TMEM163: variants seen among roughly 807,000 people sequenced by gnomAD.
TMEM163 encodes transmembrane protein 163.
Under a neutral mutation model 29.3 loss-of-function variants are expected in TMEM163, and 17 were observed. The ratio of observed to expected loss-of-function variants is 0.58; its 90% CI spans 0.40 to 0.87. TMEM163 has a LOEUF of 0.87. Among genes scored for constraint, TMEM163 ranks in the 40% least tolerant of loss-of-function variants. TMEM163 has a pLI of 0.00. For missense variants in TMEM163, 303 were observed against 381.5 expected, an observed-to-expected ratio of 0.79 and a Z score of 1.71; for synonymous variants, 157 against 160.6, an observed-to-expected ratio of 0.98 and a Z score of 0.17.
intron 2 of TMEM163, among the ~76,000 whole-genome samples, chr2:134,571,044 C>T (rs2104785078): frequency 6.6e-6 from 1 of 152,316 alleles, no homozygotes. Flanking sequence ...AATCAAAATG[C>T]TTGATGCTAA....
rs376367404 is a variant in TMEM163 at position 134,713,214 on chromosome 2, G to A, written c.308C>T (p.Ala103Val). The A allele has an allele frequency of 3.1e-6, 5 of 1,614,044 alleles. No homozygotes were observed. The highest frequency in any genetic ancestry group is 2.2e-5 in the South Asian group (2 of 91,068). ...WFSIIVTLAL[A>V]VAAFTVSVMR... ...TTGATACTCACTAAAGGCAGCCACCGCGAGGGCCAGGGTGACAATGATGGA... is the reference window on the plus strand; with the variant it reads ...TTGATACTCACTAAAGGCAGCCACCACGAGGGCCAGGGTGACAATGATGGA... The change falls in exon 2 of 8, where the codon GCG becomes GTG. Residue 103 changes from alanine (A) to valine (V), a missense_variant. Ala to Val is a moderately conservative substitution (Grantham distance 64). Transcript: ENST00000281924.
At chr2:134,602,712 C>G (rs946802614) in intron 2 of TMEM163, among the ~76,000 whole-genome samples, 9 of 152,148 alleles carry the variant, frequency 5.9e-5, no homozygotes, top group African/African-American at 2.2e-4. Flanking sequence ...CACTAATTAA[C>G]CTTTATCTTA....
At chr2:134,544,918 G>A (rs749074296) in intron 4 of TMEM163, among the ~76,000 whole-genome samples, 3 of 152,104 alleles carry the variant, frequency 2.0e-5, no homozygotes, top group South Asian at 4.2e-4. Flanking sequence ...AGCCATCGCC[G>A]CTGAGCATCT....
intron 2 of TMEM163, among the ~76,000 whole-genome samples, chr2:134,631,402 T>A (rs988033035): frequency 9.2e-5 from 14 of 152,228 alleles, no homozygotes; most frequent in African/African-American, 3.4e-4. Flanking sequence ...CTGGGGGGCC[T>A]TCCTGTGCAA....
chr2:134,634,561 G>GATATGTCATGGC, intron 2 of TMEM163, among the ~76,000 whole-genome samples: 1 of 152,164 alleles, frequency 6.6e-6, no homozygotes. Flanking sequence ...TGACTGATTG[G>GATATGTCATGGC]ATATGTCATG....
chr2:134,704,724 C>T (rs993823296), intron 2 of TMEM163, among the ~76,000 whole-genome samples: 7 of 152,198 alleles, frequency 4.6e-5, no homozygotes, highest in African/African-American at 1.7e-4. Flanking sequence ...ACGCTCTTCC[C>T]CTCCTCAGCC....
intron 5 of TMEM163, among the ~76,000 whole-genome samples, chr2:134,488,666 C>G (rs1679366454): frequency 6.6e-6 from 1 of 152,192 alleles, no homozygotes; most frequent in African/African-American, 2.4e-5. Flanking sequence ...TTAACAGACT[C>G]ATTTTCATAT....
intron 4 of TMEM163, among the ~76,000 whole-genome samples, chr2:134,516,265 T>C (rs1382033749): frequency 6.6e-6 from 1 of 152,044 alleles, no homozygotes; most frequent in Admixed American, 6.6e-5. Flanking sequence ...ATATGGGCCA[T>C]GTGCGGAGGT....
At chr2:134,458,519 G>A (rs890731669) in intron 6 of TMEM163, 1 of 264,476 alleles carries the variant, frequency 3.8e-6, no homozygotes, top group Non-Finnish European at 7.5e-6. Context: ...CAGTCCCCAG[G>A]ACAGTTCCAG....
At chr2:134,682,976 G>A (rs1050633972) in intron 2 of TMEM163, among the ~76,000 whole-genome samples, 3 of 152,136 alleles carry the variant, frequency 2.0e-5, no homozygotes, top group African/African-American at 4.8e-5. Flanking sequence ...AGACACGGAG[G>A]AACCGTAAAC....
intron 2 of TMEM163, among the ~76,000 whole-genome samples, chr2:134,666,705 T>A (rs1368704462): frequency 2.0e-5 from 3 of 152,178 alleles, no homozygotes. Context: ...TTCCACCAAT[T>A]CCTCATTTTA....
rs117343625 is a variant in TMEM163 at position 134,658,988 on chromosome 2, G to A, written c.322+54212C>T. ...ACAACAGGGCTACATTCTGAGAAACGCATCATGAGGTGGTTCTATCATTGT... is the reference window on the plus strand; with the variant it reads ...ACAACAGGGCTACATTCTGAGAAACACATCATGAGGTGGTTCTATCATTGT... On this transcript the variant is annotated intron_variant, in intron 2 of 7. Transcript: ENST00000281924. 7.8e-4 allele frequency among the ~76,000 whole-genome samples: 118 copies of A among 152,246 alleles called. No individual in the cohort carries two copies. The East Asian group carries it at 0.021, about 27-fold the overall frequency.
intron 4 of TMEM163, among the ~76,000 whole-genome samples, chr2:134,531,893 C>T (rs925883097): frequency 1.3e-5 from 2 of 152,214 alleles, no homozygotes; most frequent in Non-Finnish European, 2.9e-5. Flanking sequence ...TCCTGACCCT[C>T]TAAATTCTGC....
At chr2:134,716,410 C>T (rs1392108507) in intron 1 of TMEM163, among the ~76,000 whole-genome samples, 4 of 152,198 alleles carry the variant, frequency 2.6e-5, no homozygotes, top group Admixed American at 6.5e-5. Flanking sequence ...TCCAAAGTCT[C>T]AAAACACTAG....
chr2:134,610,258 G>A (rs1003417137), intron 2 of TMEM163, among the ~76,000 whole-genome samples: 3 of 152,196 alleles, frequency 2.0e-5, no homozygotes, highest in African/African-American at 4.8e-5. Context: ...CCTATGGAGG[G>A]CTCTCTCAGA....
At chr2:134,632,361 G>A (rs1288455886) in intron 2 of TMEM163, among the ~76,000 whole-genome samples, 4 of 152,218 alleles carry the variant, frequency 2.6e-5, no homozygotes, top group Non-Finnish European at 4.4e-5. Flanking sequence ...TGATATAAAT[G>A]AGGAAAATTA....
chr2:134,490,134 G>T (rs1679399048), intron 5 of TMEM163, among the ~76,000 whole-genome samples: 1 of 152,194 alleles, frequency 6.6e-6, no homozygotes, highest in South Asian at 2.1e-4. Context: ...TTATAATGCA[G>T]TGTGCTGAGC....
intron 2 of TMEM163, among the ~76,000 whole-genome samples, chr2:134,706,160 A>T (rs1684807525): frequency 6.6e-6 from 1 of 152,204 alleles, no homozygotes; most frequent in African/African-American, 2.4e-5. Flanking sequence ...AGTCCCTGTC[A>T]ATAGAAGCCT....
At chr2:134,474,198 T>C (rs181150446) in intron 5 of TMEM163, among the ~76,000 whole-genome samples, 38 of 152,282 alleles carry the variant, frequency 2.5e-4, no homozygotes, top group African/African-American at 8.9e-4. Context: ...CCAATATTGA[T>C]TAAACATTCA....
Sources: gnomAD v4.1 joint callset for allele counts (sites outside exome capture counted in the v4.1 genomes callset) on GRCh38, gnomAD v4.1.1 for gene constraint, MANE v1.5 for transcripts, NCBI Gene and HGNC (gene_info 2026-07-23, HGNC 2026-07-21) for gene names.